Variants in DNAH12 observed in about 807,000 individuals in gnomAD.
DNAH12 encodes dynein axonemal heavy chain 12.
Under a neutral mutation model 371.5 loss-of-function variants are expected in DNAH12, and 285 were observed. The observed-to-expected ratio is 0.77, with a 90% confidence interval of 0.70 to 0.85. The LOEUF (loss-of-function observed/expected upper bound fraction) is 0.85. Ranked by LOEUF, DNAH12 falls within the 40% of genes least tolerant of loss-of-function variation. The probability of loss-of-function intolerance (pLI) is 0.00; values close to 1 mark genes in which losing one functional copy is unlikely to be tolerated. For synonymous variants in DNAH12, 1,200 were observed against 1,213.0 expected, an observed-to-expected ratio of 0.99 and a Z score of 0.22; for missense variants, 3,611 against 3,689.4, an observed-to-expected ratio of 0.98 and a Z score of 0.55.
intron 4 of DNAH12, among the ~76,000 whole-genome samples, chr3:57,513,647 C>G (rs529138463): frequency 9.8e-4 from 149 of 152,226 alleles, no homozygotes; most frequent in African/African-American, 3.5e-3. Context: ...AAGATATAAA[C>G]TAACATTTCA....
intron 2 of DNAH12, chr3:57,530,575 C>T (rs1320736816): frequency 1.5e-6 from 1 of 658,206 alleles, no homozygotes; most frequent in Non-Finnish European, 2.8e-6. Context: ...ATCTCTTCCT[C>T]CTCAGGAGTC....
intron 36 of DNAH12, among the ~76,000 whole-genome samples, chr3:57,419,800 T>C (rs1337608468): frequency 6.6e-6 from 1 of 152,208 alleles, no homozygotes; most frequent in East Asian, 1.9e-4. Context: ...TATCACATAT[T>C]CAACATATCT....
intron 2 of DNAH12, among the ~76,000 whole-genome samples, chr3:57,532,002 T>G (rs2068866761): frequency 6.6e-6 from 1 of 152,120 alleles, no homozygotes; most frequent in African/African-American, 2.4e-5. Flanking sequence ...TTCTAGATCT[T>G]GTAGGCATGT....
At position 57,508,195 on chromosome 3, in the gene DNAH12, A is replaced by AC. The variant is rs1178149213; in HGVS notation, c.701+186_701+187insG. On this transcript the variant is annotated intron_variant, in intron 7 of 73. Transcript: ENST00000495027. ...GAGCAAGACTCCATCACGGGAAAAA[A>AC]AAAACAAAAAAAAAAAAAACCAAAA... 8.6e-5 allele frequency among the ~76,000 whole-genome samples: 9 copies of AC among 104,798 alleles called. No individual in the cohort carries two copies. In the East Asian group the frequency reaches 2.2e-3, roughly 26 times the overall value. The allele number at this position is 104,798 out of a possible 152,430, so 68.8% of individuals were successfully genotyped here. A position where few individuals can be genotyped will look rare whatever the true frequency, so the allele number is the denominator to read the frequency against.
chr3:57,452,036 C>A (rs1429531616), intron 25 of DNAH12, among the ~76,000 whole-genome samples: 1 of 152,206 alleles, frequency 6.6e-6, no homozygotes, highest in Admixed American at 6.5e-5. Flanking sequence ...TGCTCCAACA[C>A]TTAATGAACT....
intron 55 of DNAH12, 136 bp from the exon 56 acceptor site, chr3:57,368,396 G>GTCC (rs1395662021): frequency 6.6e-6 from 1 of 151,272 alleles, no homozygotes; most frequent in Admixed American, 6.6e-5. Context: ...CTTCACAAAA[G>GTCC]TCCTATGAGA....
At chr3:57,345,902 G>A (rs2062530230) in intron 60 of DNAH12, among the ~76,000 whole-genome samples, 1 of 152,012 alleles carries the variant, frequency 6.6e-6, no homozygotes, top group Admixed American at 6.6e-5. Context: ...CAGTTCATCT[G>A]TCTTTTCAAA....
rs562035211 is a variant in DNAH12, at chr3:57,505,948, G to T, written c.897+1695C>A. ...TTTTCTAGAGACAGTGTCTCACTTTGTTTCCCAAGCTGGTCTTGAACTCCT... is the reference window on the plus strand; with the variant it reads ...TTTTCTAGAGACAGTGTCTCACTTTTTTTCCCAAGCTGGTCTTGAACTCCT... On this transcript the variant is annotated intron_variant, in intron 8 of 73. Coordinates refer to ENST00000495027, the MANE Select transcript of DNAH12 (RefSeq NM_001366028.2). Among the ~76,000 whole-genome samples the T allele has an allele frequency of 2.6e-5, 4 of 151,642 alleles. No homozygotes were observed. In the South Asian group the frequency reaches 8.4e-4, roughly 32 times the overall value.
Position 57,452,966 on chromosome 3 carries a change from A to G in DNAH12, c.3663T>C (p.Tyr1221=). The stretch of plus-strand genomic sequence containing the variant: ...GAACTCGGGCATTCTCATTTTCCCA[A>G]TAATATCGGAGCTGAGCAAGCCACA... ...DFLWLAQLRY[Y]WENENARVRI... Residue 1221 remains tyrosine (Y), a synonymous_variant, in exon 25 of 74, where the codon TAT becomes TAC. Transcript: ENST00000495027. 6.4e-7 allele frequency: 1 copy of G among 1,551,204 alleles called. No individual in the cohort carries two copies. Among genetic ancestry groups the G allele is most frequent in the Non-Finnish European group, 8.7e-7 (1 of 1,146,914 alleles).
intron 11 of DNAH12, among the ~76,000 whole-genome samples, chr3:57,491,206 G>A (rs1331636639): frequency 6.6e-6 from 1 of 151,522 alleles, no homozygotes; most frequent in Non-Finnish European, 1.5e-5. Flanking sequence ...TATACAGTAT[G>A]ATACCTTTCA....
intron 18 of DNAH12, among the ~76,000 whole-genome samples, 189 bp from the exon 19 acceptor site, chr3:57,461,878 C>T (rs2066064616): frequency 6.6e-6 from 1 of 152,002 alleles, no homozygotes; most frequent in Non-Finnish European, 1.5e-5. Context: ...CTAAGAAGAA[C>T]GATTATGTAG....
rs2064578735 is a variant in DNAH12, at chr3:57,421,522, T to C, written c.5558A>G (p.Tyr1853Cys). The stretch of plus-strand genomic sequence containing the variant: ...AACAAGCTTTTTATGTCATACCTCA[T>C]ACATGTAGTCATAGACCAGGCCTTT... Reference protein sequence around the residue: ...DEKGLVYDYMYELKNKGRWVH... With the variant: ...DEKGLVYDYMCELKNKGRWVH... The change falls in exon 36 of 74, where the codon TAT (tyrosine) becomes TGT (cysteine). Residue 1853 changes from tyrosine to cysteine, a missense_variant. Around this residue, in one of 3 missense-constraint regions of DNAH12, gnomAD observed 2,266 missense variants for 2,236.9 expected, o/e 1.01. Coordinates refer to ENST00000495027, the MANE Select transcript of DNAH12 (RefSeq NM_001366028.2). 1 of 1,551,646 alleles carries C rather than the reference T, an allele frequency of 6.4e-7. No homozygotes were observed. The highest frequency in any genetic ancestry group is 8.7e-7 in the Non-Finnish European group (1 of 1,146,950).
chr3:57,505,000 A>G (rs1242870613), intron 8 of DNAH12, among the ~76,000 whole-genome samples: 1 of 151,292 alleles, frequency 6.6e-6, no homozygotes, highest in Admixed American at 6.6e-5. Flanking sequence ...CCATCCTCCC[A>G]CCTCAGCCTC....
In DNAH12 at chr3:57,294,176, C is replaced by CTTTTTT. The variant is rs62779960; in HGVS notation, c.11693-211_11693-206dup. On this transcript the variant is annotated intron_variant, in intron 73 of 73. Coordinates refer to ENST00000495027, the MANE Select transcript of DNAH12 (RefSeq NM_001366028.2). ...ACAAGGCAAGTATTTCTTTTCTTTT[C>CTTTTTT]TTTTTTTTTTTTTTTTTGGAGACTG... 2.7e-4 allele frequency among the ~76,000 whole-genome samples: 35 copies of CTTTTTT among 129,064 alleles called. 2 individuals carry two copies. The highest frequency in any genetic ancestry group is 4.4e-4 in the African/African-American group (15 of 34,152). 84.7% of individuals were successfully genotyped at this position (129,064 alleles called of 152,430 possible). A position where few individuals can be genotyped will look rare whatever the true frequency, so the allele number is the denominator to read the frequency against.
At chr3:57,463,017 AT>A in intron 17 of DNAH12, 142 bp from the exon 18 acceptor site, 4 of 573,988 alleles carry the variant, frequency 7.0e-6, no homozygotes, top group Non-Finnish European at 1.2e-5. Context: ...CAAAACCTCA[AT>A]TAGATTTGGA....
At position 57,510,694 on chromosome 3, in the gene DNAH12, G is replaced by A. The variant is rs1398898633; in HGVS notation, c.469+96C>T. 10 of 1,047,880 alleles carry A rather than the reference G, an allele frequency of 9.5e-6. No individual in the cohort carries two copies. In the South Asian group the frequency reaches 1.3e-4, roughly 13 times the overall value. 64.9% of individuals were successfully genotyped at this position (1,047,880 alleles called of 1,614,324 possible). A position where few individuals can be genotyped will look rare whatever the true frequency, so the allele number is the denominator to read the frequency against. ...ACCAGATATAGTTTAAATACATAGTGTTCATTACTCATTTTGCTTATTTCT... is the reference window on the plus strand; with the variant it reads ...ACCAGATATAGTTTAAATACATAGTATTCATTACTCATTTTGCTTATTTCT... On this transcript the variant is annotated intron_variant, in intron 5 of 73. Coordinates refer to ENST00000495027, the MANE Select transcript of DNAH12 (RefSeq NM_001366028.2).
At chr3:57,342,651 CAAAAAAAAAAAAA>C (rs71088061) in intron 60 of DNAH12, among the ~76,000 whole-genome samples, 1 of 35,090 alleles carries the variant, frequency 2.8e-5, no homozygotes, top group Non-Finnish European at 4.8e-5. Context: ...GACTGAGACT[CAAAAAAAAAAAAA>C]AAAAAAAAGG....
intron 55 of DNAH12, 138 bp downstream of exon 55, chr3:57,375,233 G>A (rs2063258602): frequency 6.6e-6 from 1 of 152,126 alleles, no homozygotes; most frequent in African/African-American, 2.4e-5. Flanking sequence ...AAAGCAGCAA[G>A]AATACTAAAA....
chr3:57,415,665 C>T (rs1354206477), intron 37 of DNAH12, 101 bp from the exon 38 acceptor site: 1 of 1,178,188 alleles, frequency 8.5e-7, no homozygotes. Context: ...AGAATCAAAT[C>T]ATCTTCATTA....
Sources: gnomAD v4.1 joint callset for allele counts (sites outside exome capture counted in the v4.1 genomes callset) on GRCh38, gnomAD v4.1.1 for gene constraint, gnomAD v4.1.1 regional missense constraint, MANE v1.5 for transcripts, NCBI Gene and HGNC (gene_info 2026-07-23, HGNC 2026-07-21) for gene names.